SNTB2: variants seen among roughly 807,000 people sequenced by gnomAD.
SNTB2 encodes syntrophin beta 2, also known as beta-2-syntrophin.
A neutral mutation model predicts 46.2 loss-of-function variants in SNTB2; 34 were observed. The ratio of observed to expected loss-of-function variants is 0.74; its 90% CI spans 0.56 to 0.98. SNTB2 has a LOEUF of 0.98. Among genes scored for constraint, SNTB2 ranks in the 50% least tolerant of loss-of-function variants. SNTB2 has a pLI of 0.00. For missense variants in SNTB2, 603 were observed against 731.4 expected (o/e 0.82, Z 2.02); for synonymous variants, 290 against 312.6 (o/e 0.93, Z 0.76).
At chr16:69,231,890 T>C (rs1368406883) in intron 1 of SNTB2, among the ~76,000 whole-genome samples, 1 of 152,152 alleles carries the variant, frequency 6.6e-6, no homozygotes, top group Non-Finnish European at 1.5e-5. Context: ...TGAGGAAACA[T>C]TCCAAAGAAA....
intron 4 of SNTB2, among the ~76,000 whole-genome samples, chr16:69,279,515 C>G (rs1454394810): frequency 2.8e-5 from 2 of 71,734 alleles, no homozygotes; most frequent in African/African-American, 6.8e-5. Flanking sequence ...GTCCTTTGCC[C>G]TTTTTTTTTT....
chr16:69,270,027 T>G (rs1374754162), intron 3 of SNTB2, 116 bp from the exon 4 acceptor site: 4 of 1,119,438 alleles, frequency 3.6e-6, no homozygotes, highest in Non-Finnish European at 5.3e-6. Flanking sequence ...GAATGTAAAG[T>G]CCATCAGGTT....
intron 4 of SNTB2, among the ~76,000 whole-genome samples, chr16:69,274,508 C>G (rs905405080): frequency 6.6e-6 from 1 of 151,820 alleles, no homozygotes; most frequent in Admixed American, 6.6e-5. Flanking sequence ...AAAAAATTAG[C>G]CGGGTGTGGT....
rs1965316418 is a variant in SNTB2, at chr16:69,306,360, G to T, written c.*5436G>T. ...TTCTTTTGTTTCAAAACAAACTTGAGCTTCATTTCTTGCCACCTCTATTCT... is the reference window on the plus strand; with the variant it reads ...TTCTTTTGTTTCAAAACAAACTTGATCTTCATTTCTTGCCACCTCTATTCT... On this transcript the variant is annotated 3_prime_UTR_variant, in exon 7 of 7. Transcript: ENST00000336278. The T allele has an allele frequency of 6.6e-6, 1 of 152,156 alleles. No homozygotes were observed. The highest frequency in any genetic ancestry group is 2.1e-4 in the South Asian group (1 of 4,826). 9.4% of individuals were successfully genotyped at this position (152,156 alleles called of 1,614,324 possible).
At chr16:69,252,956 G>C (rs1964739972) in intron 2 of SNTB2, among the ~76,000 whole-genome samples, 2 of 145,876 alleles carry the variant, frequency 1.4e-5, no homozygotes, top group African/African-American at 5.1e-5. Context: ...CAGGAGTGCA[G>C]TGGCACGATC....
intron 1 of SNTB2, among the ~76,000 whole-genome samples, chr16:69,233,515 C>A (rs1188495842): frequency 6.6e-6 from 1 of 151,992 alleles, no homozygotes; most frequent in Non-Finnish European, 1.5e-5. Flanking sequence ...TTCATGTTGG[C>A]AAGTGTACTG....
At position 69,277,200 on chromosome 16, in the gene SNTB2, A is replaced by G. The variant is rs112328560; in HGVS notation, c.1149-6848A>G. On this transcript the variant is annotated intron_variant, in intron 4 of 6. Transcript: ENST00000336278. ...AGTCTGTAACTTGAGGAAAACACTG[A>G]TAGTATTTGTTGCCAATGATAAAAT... Among the ~76,000 whole-genome samples the G allele has an allele frequency of 6.3e-3, 955 of 152,332 alleles. 12 individuals carry two copies. Among genetic ancestry groups the G allele is most frequent in the African/African-American group, 0.02 (852 of 41,580 alleles).
intron 1 of SNTB2, among the ~76,000 whole-genome samples, chr16:69,227,441 A>G (rs1479530729): frequency 6.6e-6 from 1 of 152,218 alleles, no homozygotes; most frequent in Non-Finnish European, 1.5e-5. Context: ...ATTAATTTCA[A>G]GCCACTGTCA....
intron 1 of SNTB2, among the ~76,000 whole-genome samples, chr16:69,235,167 A>G (rs1160623094): frequency 1.3e-5 from 2 of 149,434 alleles, no homozygotes; most frequent in African/African-American, 4.9e-5. Flanking sequence ...GCACGCCACC[A>G]TGCCCAGCTA....
chr16:69,266,248 C>T lies in SNTB2; in HGVS notation c.1006-3895C>T, dbSNP rs933583117. Among the ~76,000 whole-genome samples, 5 of 152,230 alleles carry T rather than the reference C, an allele frequency of 3.3e-5. No homozygotes were observed. In the East Asian group the frequency reaches 5.8e-4, roughly 18 times the overall value. ...GCATGGTGGCGGACGCCTGTAATCC[C>T]GGCTACTCAAGAGGGTTAGGCAGGA... On this transcript the variant is annotated intron_variant, in intron 3 of 6. Coordinates refer to ENST00000336278, the MANE Select transcript of SNTB2 (RefSeq NM_006750.4).
chr16:69,275,394 T>C (rs924256151), intron 4 of SNTB2, among the ~76,000 whole-genome samples: 7 of 152,190 alleles, frequency 4.6e-5, no homozygotes, highest in Admixed American at 2.6e-4. Context: ...GTTTAATTAA[T>C]GTAACAACAG....
chr16:69,262,277 A>G (rs1964841095), intron 3 of SNTB2, among the ~76,000 whole-genome samples: 1 of 151,760 alleles, frequency 6.6e-6, no homozygotes, highest in Non-Finnish European at 1.5e-5. Flanking sequence ...GGATAGTGAG[A>G]GTTCAGAGGG....
At chr16:69,198,121 G>C (rs934177151) in intron 1 of SNTB2, among the ~76,000 whole-genome samples, 2 of 148,702 alleles carry the variant, frequency 1.3e-5, no homozygotes, top group Admixed American at 6.7e-5. Context: ...TTTTTTTTGG[G>C]GGGTAGGGGA....
intron 5 of SNTB2, among the ~76,000 whole-genome samples, chr16:69,297,575 G>A (rs997969969): frequency 7.3e-5 from 11 of 150,050 alleles, no homozygotes; most frequent in Middle Eastern, 3.2e-3. Flanking sequence ...CCAAGATCAC[G>A]CCACTGCACC....
intron 1 of SNTB2, among the ~76,000 whole-genome samples, chr16:69,199,172 G>A (rs1964135987): frequency 6.6e-6 from 1 of 152,058 alleles, no homozygotes; most frequent in Admixed American, 6.6e-5. Flanking sequence ...TGGGATTACA[G>A]GCGTGAGCCA....
intron 1 of SNTB2, among the ~76,000 whole-genome samples, chr16:69,229,842 C>CA (rs74748760): frequency 0.027 from 2,938 of 108,024 alleles, 27 homozygotes; most frequent in Non-Finnish European, 0.031. Context: ...GACCCTGTCT[C>CA]AAAAAAAAAA....
intron 5 of SNTB2, among the ~76,000 whole-genome samples, chr16:69,287,792 G>A (rs1965119065): frequency 6.6e-6 from 1 of 152,008 alleles, no homozygotes; most frequent in South Asian, 2.1e-4. Context: ...CTGGGAGGCG[G>A]AGTCTGCAGT....
At chr16:69,300,737 T>C in intron 6 of SNTB2, 95 bp from the exon 7 acceptor site, 1 of 871,682 alleles carries the variant, frequency 1.1e-6, no homozygotes, top group East Asian at 2.4e-5. Context: ...CTCTGGCACA[T>C]TCTTTACCTA....
At chr16:69,293,143 C>G (rs1965190644) in intron 5 of SNTB2, among the ~76,000 whole-genome samples, 1 of 152,146 alleles carries the variant, frequency 6.6e-6, no homozygotes, top group Non-Finnish European at 1.5e-5. Context: ...TAAAAGAGAG[C>G]AAGAGTGAAA....
Sources: gnomAD v4.1 joint callset for allele counts (sites outside exome capture counted in the v4.1 genomes callset) on GRCh38, gnomAD v4.1.1 for gene constraint, MANE v1.5 for transcripts, NCBI Gene and HGNC (gene_info 2026-07-23, HGNC 2026-07-21) for gene names.